Variants in TRIM71 observed in about 807,000 individuals in gnomAD.
TRIM71 encodes the protein tripartite motif containing 71, also known as E3 ubiquitin-protein ligase TRIM71.
TRIM71 carries 9 observed loss-of-function variants against 61.2 expected under a neutral mutation model. That is an observed-to-expected ratio of 0.15 (90% CI 0.09 to 0.26). The LOEUF is 0.26. Among genes scored for constraint, TRIM71 ranks in the 10% least tolerant of loss-of-function variants. The probability of loss-of-function intolerance (pLI) is 1.00; values close to 1 mark genes in which losing one functional copy is unlikely to be tolerated. For missense variants in TRIM71, 998 were observed against 1,238.7 expected (o/e 0.81, Z 2.92); for synonymous variants, 645 against 553.2 (o/e 1.17, Z -2.33).
chr3:32,850,345 T>G (rs913624592), intron 1 of TRIM71, among the ~76,000 whole-genome samples: 1 of 152,196 alleles, frequency 6.6e-6, no homozygotes, highest in African/African-American at 2.4e-5. Flanking sequence ...CCAAAGGATT[T>G]TTGCAAAAGG....
intron 3 of TRIM71, among the ~76,000 whole-genome samples, chr3:32,889,898 G>A (rs1382988772): frequency 4.0e-5 from 6 of 151,500 alleles, no homozygotes; most frequent in East Asian, 3.9e-4. Context: ...GTGTGTGTGT[G>A]TGTATGTATG....
intron 1 of TRIM71, among the ~76,000 whole-genome samples, chr3:32,850,040 A>G (rs1236538873): frequency 6.6e-6 from 1 of 152,082 alleles, no homozygotes; most frequent in Non-Finnish European, 1.5e-5. Flanking sequence ...ATGAAACAAA[A>G]CCCCACGCAT....
intron 1 of TRIM71, among the ~76,000 whole-genome samples, chr3:32,856,407 G>A (rs1263657459): frequency 2.6e-5 from 4 of 151,892 alleles, no homozygotes; most frequent in African/African-American, 9.7e-5. Context: ...CCTCCTCCAG[G>A]AAGTTCTCTG....
intron 1 of TRIM71, among the ~76,000 whole-genome samples, chr3:32,832,624 G>C (rs905339554): frequency 6.6e-6 from 1 of 152,178 alleles, no homozygotes; most frequent in Non-Finnish European, 1.5e-5. Flanking sequence ...GGTGGAGGTT[G>C]TAGTGAGCTG....
rs1197806935 is a variant in TRIM71, at chr3:32,818,591, C to A, written c.511C>A (p.Pro171Thr). Residue 171 changes from proline to threonine, a missense_variant, in exon 1 of 4, where the codon CCG becomes ACG. Transcript: ENST00000383763. ...SASAPPLPQA[P>T]QPPAPSRSAP... The stretch of plus-strand genomic sequence containing the variant: ...CTCCGCGCCGCCACTCCCGCAGGCG[C>A]CGCAGCCGCCCGCGCCTTCCCGCTC... 1 of 1,322,348 alleles carries A rather than the reference C, an allele frequency of 7.6e-7. No homozygotes were observed. 81.9% of individuals were successfully genotyped at this position (1,322,348 alleles called of 1,614,324 possible).
intron 1 of TRIM71, among the ~76,000 whole-genome samples, chr3:32,839,135 A>G (rs1696373818): frequency 6.6e-6 from 1 of 152,106 alleles, no homozygotes; most frequent in Admixed American, 6.5e-5. Context: ...ATTTCACTTC[A>G]GGGGTGTGAG....
intron 1 of TRIM71, among the ~76,000 whole-genome samples, chr3:32,861,606 C>CT (rs1323186860): frequency 6.6e-6 from 1 of 152,142 alleles, no homozygotes; most frequent in African/African-American, 2.4e-5. Flanking sequence ...AAGCATCCCT[C>CT]TTTCACCTGC....
rs564312312 is a variant in TRIM71, at chr3:32,852,100, G to A, written c.853-21718G>A. On this transcript the variant is annotated intron_variant, in intron 1 of 3. Transcript: ENST00000383763. ...CTATATTGGACCTGCTGCCAGCTTG[G>A]ACCAGGCTGTTTTATGGTCGGTCCT... Among the ~76,000 whole-genome samples, 6 of 152,292 alleles carry A rather than the reference G, an allele frequency of 3.9e-5. No individual in the cohort carries two copies. The South Asian group carries it at 1.2e-3, about 32-fold the overall frequency.
rs553181261 is a variant in TRIM71, at chr3:32,895,339, A to G, written c.*3528A>G. On this transcript the variant is annotated 3_prime_UTR_variant, in exon 4 of 4. Coordinates refer to ENST00000383763, the MANE Select transcript of TRIM71 (RefSeq NM_001039111.3). ...AATCCAAATTACGTGTTGGGCCAAA[A>G]ATGTTGCCAGAACTGAGGCACTTTG... 5 of 152,332 alleles carry G rather than the reference A, an allele frequency of 3.3e-5. No individual in the cohort carries two copies. The highest frequency in any genetic ancestry group is 5.9e-5 in the Non-Finnish European group (4 of 68,026). 9.4% of individuals were successfully genotyped at this position (152,332 alleles called of 1,614,324 possible). A position where few individuals can be genotyped will look rare whatever the true frequency, so the allele number is the denominator to read the frequency against.
In TRIM71 at chr3:32,827,381, G is replaced by A. The variant is rs564032779; in HGVS notation, c.852+8449G>A. 3.7e-4 allele frequency among the ~76,000 whole-genome samples: 55 copies of A among 150,146 alleles called. No homozygotes were observed. The South Asian group carries it at 0.011, about 31-fold the overall frequency. On this transcript the variant is annotated intron_variant, in intron 1 of 3. Transcript: ENST00000383763. Reference sequence around the variant, plus strand: ...TGGGTTCAAGCGATTCTCCTGCCTCGTCTCACGAGTAGCTGGGATCACAGG... The same window carrying A: ...TGGGTTCAAGCGATTCTCCTGCCTCATCTCACGAGTAGCTGGGATCACAGG...
intron 1 of TRIM71, 69 bp downstream of exon 1, chr3:32,819,001 C>T (rs996185104): frequency 1.3e-6 from 2 of 1,553,898 alleles, no homozygotes; most frequent in African/African-American, 1.4e-5. Context: ...CGTTTCCCGG[C>T]CGGTCCCACA....
intron 1 of TRIM71, among the ~76,000 whole-genome samples, chr3:32,822,594 C>G (rs760543076): frequency 3.3e-5 from 5 of 152,054 alleles, no homozygotes; most frequent in Admixed American, 3.3e-4. Context: ...GTATATTATT[C>G]TCTGTTCCCA....
At chr3:32,869,065 C>T (rs140528061) in intron 1 of TRIM71, among the ~76,000 whole-genome samples, 258 of 152,318 alleles carry the variant, frequency 1.7e-3, no homozygotes, top group African/African-American at 6.0e-3. Context: ...CCTCCTTGAA[C>T]TTGGCTTATC....
intron 1 of TRIM71, among the ~76,000 whole-genome samples, chr3:32,854,462 C>G (rs1696574125): frequency 6.6e-6 from 1 of 152,150 alleles, no homozygotes; most frequent in Non-Finnish European, 1.5e-5. Context: ...CTGAGTTTTC[C>G]TCTGGTTCTC....
intron 1 of TRIM71, among the ~76,000 whole-genome samples, chr3:32,827,319 A>C (rs181908824): frequency 6.9e-6 from 1 of 144,300 alleles, no homozygotes; most frequent in African/African-American, 2.6e-5. Context: ...GCTGGAGTGT[A>C]ATGGTGTGAT....
chr3:32,882,704 GC>G (rs1263250672), intron 2 of TRIM71, among the ~76,000 whole-genome samples: 1 of 152,008 alleles, frequency 6.6e-6, no homozygotes, highest in East Asian at 1.9e-4. Context: ...GCGCCACCAT[GC>G]CTGGCTAATT....
In TRIM71 at chr3:32,896,742, G is replaced by C; in HGVS notation, c.*4931G>C. On this transcript the variant is annotated 3_prime_UTR_variant, in exon 4 of 4. Transcript: ENST00000383763. ...AGTTTTGTGTATCCACATGGTCTTA[G>C]ACCTCCTTTTAATGATTGTATTAAC... 1 of 152,194 alleles carries C rather than the reference G, an allele frequency of 6.6e-6. No individual in the cohort carries two copies. The highest frequency in any genetic ancestry group is 1.5e-5 in the Non-Finnish European group (1 of 68,040). The allele number at this position is 152,194 out of a possible 1,614,324, so 9.4% of individuals were successfully genotyped here.
chr3:32,878,923 C>G (rs1239311015), intron 2 of TRIM71, among the ~76,000 whole-genome samples: 1 of 152,210 alleles, frequency 6.6e-6, no homozygotes, highest in African/African-American at 2.4e-5. Flanking sequence ...CTATGTCTTT[C>G]CAATATCAGG....
intron 1 of TRIM71, among the ~76,000 whole-genome samples, chr3:32,862,421 C>T (rs1696681653): frequency 6.6e-6 from 1 of 152,208 alleles, no homozygotes; most frequent in East Asian, 1.9e-4. Context: ...CCATCTCAGC[C>T]ACATGGGTGA....
Sources: allele counts gnomAD v4.1 joint callset (sites outside exome capture counted in the v4.1 genomes callset), GRCh38; gene constraint gnomAD v4.1.1; transcripts MANE v1.5; gene names NCBI Gene and HGNC (gene_info 2026-07-23, HGNC 2026-07-21).